RDX: variants seen among roughly 807,000 people sequenced by gnomAD.
RDX encodes deafness, autosomal recessive 24.
In RDX, 32 loss-of-function variants were observed where a neutral mutation model predicts 83.7. The ratio of observed to expected loss-of-function variants is 0.38; its 90% CI spans 0.29 to 0.51. The LOEUF is 0.51. Ranked by LOEUF, RDX falls within the 20% of genes least tolerant of loss-of-function variation. The probability of loss-of-function intolerance (pLI) is 0.87; values close to 1 mark genes in which losing one functional copy is unlikely to be tolerated. For synonymous variants in RDX, 229 were observed against 222.7 expected (o/e 1.03, Z -0.25); for missense variants, 600 against 689.9 (o/e 0.87, Z 1.46).
At chr11:110,225,452 T>C (rs967185350), downstream of RDX, among the ~76,000 whole-genome samples, 1 of 152,188 alleles carries the variant, frequency 6.6e-6, no homozygotes, top group African/African-American at 2.4e-5. Context: ...AGAACTTGAA[T>C]AGACATTTCT....
intron 10 of RDX, among the ~76,000 whole-genome samples, chr11:110,243,349 T>C (rs1314659718): frequency 6.6e-6 from 1 of 152,044 alleles, no homozygotes; most frequent in Non-Finnish European, 1.5e-5. Context: ...AACCAAACCC[T>C]AACAATAAAA....
At chr11:110,250,569 G>C (rs1028831178) in intron 9 of RDX, among the ~76,000 whole-genome samples, 1 of 152,046 alleles carries the variant, frequency 6.6e-6, no homozygotes, top group African/African-American at 2.4e-5. Flanking sequence ...TTCTGCAGAT[G>C]GATGTGCTGG....
chr11:110,287,506 A>G (rs1420417370), intron 1 of RDX, among the ~76,000 whole-genome samples: 2 of 152,218 alleles, frequency 1.3e-5, no homozygotes, highest in African/African-American at 2.4e-5. Context: ...TTTAATATAC[A>G]AAGAACTATG....
chr11:110,274,016 TTC>T (rs1555046320), intron 2 of RDX, among the ~76,000 whole-genome samples: 1 of 78,472 alleles, frequency 1.3e-5, no homozygotes, highest in African/African-American at 4.4e-5. Context: ...TAAATCAGAC[TTC>T]TTATTTCCCC....
At chr11:110,279,971 A>C (rs1443121698) in intron 1 of RDX, among the ~76,000 whole-genome samples, 3 of 152,212 alleles carry the variant, frequency 2.0e-5, no homozygotes, top group African/African-American at 7.2e-5. Flanking sequence ...ATCTCAAATA[A>C]CATGTTATAA....
intron 3 of RDX, among the ~76,000 whole-genome samples, chr11:110,271,602 C>T (rs1031763210): frequency 2.6e-5 from 4 of 152,154 alleles, no homozygotes. Flanking sequence ...TTAGAGTAGG[C>T]CCAGACAATT....
chr11:110,283,287 G>A (rs993021672), intron 1 of RDX, among the ~76,000 whole-genome samples: 2 of 152,010 alleles, frequency 1.3e-5, no homozygotes, highest in African/African-American at 4.8e-5. Context: ...CCAAGTAGCT[G>A]GGATTACAGG....
chr11:110,220,695 A>T (rs1034752050), intron 14 of RDX, among the ~76,000 whole-genome samples: 1 of 152,010 alleles, frequency 6.6e-6, no homozygotes, highest in Non-Finnish European at 1.5e-5. Flanking sequence ...GCAGGGTTCC[A>T]CCATGTTGGC....
At chr11:110,252,779 C>CT (rs72493259) in intron 9 of RDX, among the ~76,000 whole-genome samples, 4 of 92,516 alleles carry the variant, frequency 4.3e-5, no homozygotes, top group Admixed American at 2.2e-4. Context: ...ACTCATTACT[C>CT]TTTTTTTTAT....
chr11:110,296,453 G>A lies in RDX; in HGVS notation c.-65+14C>T, dbSNP rs1861468619. On this transcript the variant is annotated intron_variant, in intron 1 of 13. Coordinates refer to ENST00000645495, the MANE Select transcript of RDX (RefSeq NM_002906.4). The stretch of plus-strand genomic sequence containing the variant: ...GGAGCGGGGAGTGGGGGAAGGGAGG[G>A]CGCCGCGCCTTACCCGGAGAGCGGG... The A allele has an allele frequency of 6.6e-6, 1 of 151,466 alleles. No homozygotes were observed. Among genetic ancestry groups the A allele is most frequent in the Non-Finnish European group, 1.5e-5 (1 of 67,800 alleles). The allele number at this position is 151,466 out of a possible 1,614,324, so 9.4% of individuals were successfully genotyped here.
intron 9 of RDX, 56 bp downstream of exon 9, chr11:110,253,890 A>C (rs1258421536): frequency 2.0e-6 from 3 of 1,531,674 alleles, no homozygotes; most frequent in Non-Finnish European, 2.7e-6. Flanking sequence ...GAGCAGTCTT[A>C]AATTTTAGAT....
chr11:110,252,673 G>T (rs889574660), intron 9 of RDX, among the ~76,000 whole-genome samples: 1 of 152,152 alleles, frequency 6.6e-6, no homozygotes, highest in Non-Finnish European at 1.5e-5. Flanking sequence ...CCAATAAAGA[G>T]TATTTTTAAA....
chr11:110,223,111 G>A (rs1864308969), intron 14 of RDX, among the ~76,000 whole-genome samples: 1 of 152,164 alleles, frequency 6.6e-6, no homozygotes, highest in Non-Finnish European at 1.5e-5. Context: ...AGAACTTTGA[G>A]AGGCCGAGGG....
intron 10 of RDX, chr11:110,237,905 A>G (rs905071037): frequency 5.3e-5 from 27 of 506,536 alleles, no homozygotes; most frequent in Non-Finnish European, 9.2e-5. Context: ...CCAAGTAGCT[A>G]GGACTACAGG....
chr11:110,236,061 G>C, intron 12 of RDX, 38 bp downstream of exon 12: 1 of 1,382,618 alleles, frequency 7.2e-7, no homozygotes, highest in South Asian at 1.2e-5. Flanking sequence ...GGGTATAAAA[G>C]CTATTCAATA....
intron 1 of RDX, among the ~76,000 whole-genome samples, chr11:110,281,968 CA>C (rs1311555344): frequency 1.0e-4 from 13 of 123,838 alleles, no homozygotes; most frequent in Non-Finnish European, 1.9e-4. Flanking sequence ...ACCAAACAAA[CA>C]AAAAAAAAAC....
At chr11:110,191,912 C>T (rs1340426492) in intron 15 of RDX, among the ~76,000 whole-genome samples, 1 of 152,110 alleles carries the variant, frequency 6.6e-6, no homozygotes, top group Non-Finnish European at 1.5e-5. Context: ...GAAAAACATT[C>T]CATGCTTATG....
chr11:110,256,191 G>T (rs1051367031), intron 7 of RDX, among the ~76,000 whole-genome samples: 7 of 152,100 alleles, frequency 4.6e-5, no homozygotes, highest in African/African-American at 1.7e-4. Context: ...ACCTATACTG[G>T]CCAGAAGACA....
rs566739817 is a variant in RDX at position 110,285,875 on chromosome 11, T to C, written c.-64-6119A>G. Among the ~76,000 whole-genome samples, 30 of 152,014 alleles carry C rather than the reference T, an allele frequency of 2.0e-4. 1 individual carries two copies. The South Asian group carries it at 4.8e-3, about 24-fold the overall frequency. On this transcript the variant is annotated intron_variant, in intron 1 of 13. Coordinates refer to ENST00000645495, the MANE Select transcript of RDX (RefSeq NM_002906.4). ...CATATCCTGGGGTTCCATCTCTAACTTGAAACAAAACCTGGTCTTTCAAGT... is the reference window on the plus strand; with the variant it reads ...CATATCCTGGGGTTCCATCTCTAACCTGAAACAAAACCTGGTCTTTCAAGT...
Sources: gnomAD v4.1 joint callset for allele counts (sites outside exome capture counted in the v4.1 genomes callset) on GRCh38, gnomAD v4.1.1 for gene constraint, MANE v1.5 for transcripts, NCBI Gene and HGNC (gene_info 2026-07-23, HGNC 2026-07-21) for gene names.